Variants in KDELR1 observed in about 807,000 individuals in gnomAD.
The protein encoded by KDELR1 is ER lumen protein-retaining receptor 1.
In KDELR1, 16 loss-of-function variants were observed where a neutral mutation model predicts 25.5. The observed-to-expected ratio is 0.63, with a 90% CI of 0.43 to 0.95. The LOEUF (loss-of-function observed/expected upper bound fraction) is 0.95. KDELR1 is among the 40% of genes least tolerant of loss of function. The pLI is 0.00. For missense variants in KDELR1, 159 were observed against 265.2 expected, an observed-to-expected ratio of 0.60 and a Z score of 2.78; for synonymous variants, 121 against 115.0, an observed-to-expected ratio of 1.05 and a Z score of -0.33.
chr19:48,383,461 G>A (rs1970472078), intron 4 of KDELR1, 134 bp from the exon 5 acceptor site: 1 of 732,954 alleles, frequency 1.4e-6, no homozygotes, highest in Admixed American at 2.4e-5. Context: ...AGGACTCACA[G>A]ATACATTCCT....
In KDELR1 at chr19:48,384,830, C is replaced by T. The variant is rs1055457889; in HGVS notation, c.352-348G>A. 2.6e-5 allele frequency among the ~76,000 whole-genome samples: 4 copies of T among 152,072 alleles called. No homozygotes were observed. The highest frequency in any genetic ancestry group is 9.7e-5 in the African/African-American group (4 of 41,402). ...TCATGAACACTTTGCAATTGCGCCT[C>T]TCTGAAAGGCAGGCTGGGTTGGAAT... On this transcript the variant is annotated intron_variant, in intron 3 of 4. Coordinates refer to ENST00000330720, the MANE Select transcript of KDELR1 (RefSeq NM_006801.3). This position sits in a 1 kb window ranked among gnomAD's most constrained non-coding sequence, Gnocchi z 4.6.
upstream of KDELR1, among the ~76,000 whole-genome samples, chr19:48,393,096 C>T (rs971120294): frequency 6.6e-6 from 1 of 152,164 alleles, no homozygotes; most frequent in Non-Finnish European, 1.5e-5. The surrounding 1 kb of genome is among the most constrained non-coding windows in gnomAD (Gnocchi z 5.6). Flanking sequence ...GTGACATCCA[C>T]GAGTCTTGGG....
chr19:48,392,948 A>G (rs276718), upstream of KDELR1, among the ~76,000 whole-genome samples: 43,735 of 152,134 alleles, frequency 0.29, 7,309 homozygotes, highest in African/African-American at 0.45. Context: ...GGACTCCTGC[A>G]TCTATGAGGG....
intron 1 of KDELR1, 126 bp from the exon 2 acceptor site, chr19:48,390,650 G>C (rs1237664038): frequency 1.5e-6 from 1 of 688,520 alleles, no homozygotes; most frequent in African/African-American, 1.8e-5. Flanking sequence ...ATAAACTAAG[G>C]CAGGGCGCCC....
Position 48,384,158 on chromosome 19 carries a change from C to T in KDELR1, c.604+72G>A. The T allele has an allele frequency of 6.3e-7, 1 of 1,577,922 alleles. No individual in the cohort carries two copies. ...TTTGCATAATACAGGGGTAAGGAGA[C>T]CCCAGTCCCCAGGGAGGGCAGGAGC... On this transcript the variant is annotated intron_variant, in intron 4 of 4. Coordinates refer to ENST00000330720, the MANE Select transcript of KDELR1 (RefSeq NM_006801.3). This position sits in a 1 kb window ranked among gnomAD's most constrained non-coding sequence, Gnocchi z 4.6.
upstream of KDELR1, among the ~76,000 whole-genome samples, chr19:48,392,601 G>A (rs1203253523): frequency 6.6e-6 from 1 of 152,138 alleles, no homozygotes; most frequent in African/African-American, 2.4e-5. Context: ...ACAGATTTAG[G>A]CCCTGATTCT....
chr19:48,384,739 C>T lies in KDELR1; in HGVS notation c.352-257G>A, dbSNP rs1260901943. ...CTGACACCAGAGAAGGTAAGATACT[C>T]GCCCAAGACCATGTAGCCAGCAAGC... On this transcript the variant is annotated intron_variant, in intron 3 of 4. Transcript: ENST00000330720. The surrounding 1 kb of genome is among the most constrained non-coding windows in gnomAD (Gnocchi z 4.6). 6.6e-6 allele frequency among the ~76,000 whole-genome samples: 1 copy of T among 152,070 alleles called. No individual in the cohort carries two copies. Among genetic ancestry groups the T allele is most frequent in the African/African-American group, 2.4e-5 (1 of 41,414 alleles).
At chr19:48,394,230 TGAG>T (rs1024131566), upstream of KDELR1, among the ~76,000 whole-genome samples, 7 of 151,688 alleles carry the variant, frequency 4.6e-5, no homozygotes, top group African/African-American at 1.5e-4. This position sits in a 1 kb window ranked among gnomAD's most constrained non-coding sequence, Gnocchi z 5.1. Flanking sequence ...CTGGGGGTGT[TGAG>T]GGGGAATCCC....
upstream of KDELR1, among the ~76,000 whole-genome samples, chr19:48,393,886 C>T (rs1970595644): frequency 1.3e-5 from 2 of 151,706 alleles, no homozygotes; most frequent in Admixed American, 6.6e-5. The surrounding 1 kb of genome is among the most constrained non-coding windows in gnomAD (Gnocchi z 5.6). Flanking sequence ...TCTGTGTGTC[C>T]GGGTGTCTGG....
the KDELR1 span, among the ~76,000 whole-genome samples, chr19:48,396,978 C>A: frequency 5.3e-5 from 8 of 152,146 alleles, no homozygotes; most frequent in Admixed American, 4.6e-4. Flanking sequence ...GACCCAGGAG[C>A]CTGGCTCCCA....
rs370854139 is a variant in KDELR1, at chr19:48,389,703, G to A, written c.201C>T (p.Tyr67=). 17 of 1,613,884 alleles carry A rather than the reference G, an allele frequency of 1.1e-5. No homozygotes were observed. The highest frequency in any genetic ancestry group is 1.4e-5 in the Non-Finnish European group (16 of 1,179,924). The change falls in exon 3 of 5, where the codon TAC becomes TAT. Residue 67 remains tyrosine (Y), a synonymous_variant. Transcript: ENST00000330720. ...SLYNTCMKVV[Y]IACSFTTVWL... ...AGACCGTGGTGAAGGAGCAGGCTATGTAGACCACCTGAGGAGGGGGATGAT... is the reference window on the plus strand; with the variant it reads ...AGACCGTGGTGAAGGAGCAGGCTATATAGACCACCTGAGGAGGGGGATGAT...
rs764176136 is a variant in KDELR1, at chr19:48,389,682, C to T, written c.222G>A (p.Thr74=). 2.7e-5 allele frequency: 44 copies of T among 1,613,940 alleles called. No homozygotes were observed. Among genetic ancestry groups the T allele is most frequent in the Non-Finnish European group, 3.1e-5 (37 of 1,179,952 alleles). The part of the protein sequence containing the change: ...KVVYIACSFT[T]VWLIYSKFKA... The stretch of plus-strand genomic sequence containing the variant: ...TGAACTTGCTATAAATCAACCAGAC[C>T]GTGGTGAAGGAGCAGGCTATGTAGA... Residue 74 remains threonine, a synonymous_variant, in exon 3 of 5, where the codon ACG becomes ACA. Transcript: ENST00000330720.
intron 1 of KDELR1, 80 bp from the exon 2 acceptor site, chr19:48,390,604 A>G: frequency 9.3e-7 from 1 of 1,076,164 alleles, no homozygotes; most frequent in Middle Eastern, 2.5e-4. Flanking sequence ...AGACAGACAG[A>G]AGGAGAGAGG....
upstream of KDELR1, among the ~76,000 whole-genome samples, chr19:48,395,582 G>A (rs762036445): frequency 2.6e-5 from 4 of 152,184 alleles, no homozygotes; most frequent in Non-Finnish European, 4.4e-5. Flanking sequence ...GTTGATCGAA[G>A]TGGCCGCTCC....
At position 48,391,360 on chromosome 19, in the gene KDELR1, G is replaced by T; in HGVS notation, c.-2C>A. ...TCCCAGGAATCGGAAGAGATTCATG[G>T]CTGGGGAACCCTGGCAGGGCTGAGC... On this transcript the variant is annotated 5_prime_UTR_variant, in exon 1 of 5. Coordinates refer to ENST00000330720, the MANE Select transcript of KDELR1 (RefSeq NM_006801.3). The T allele has an allele frequency of 6.4e-7, 1 of 1,552,658 alleles. No homozygotes were observed. The highest frequency in any genetic ancestry group is 2.0e-5 in the Admixed American group (1 of 51,178).
chr19:48,396,710 G>C, the KDELR1 span, among the ~76,000 whole-genome samples: 2 of 151,936 alleles, frequency 1.3e-5, no homozygotes, highest in Non-Finnish European at 2.9e-5. Context: ...CTCTGGGAAG[G>C]TGAGGTGGTG....
upstream of KDELR1, among the ~76,000 whole-genome samples, chr19:48,392,104 C>T (rs1422210882): frequency 7.3e-6 from 1 of 136,228 alleles, no homozygotes; most frequent in African/African-American, 2.8e-5. Flanking sequence ...GGAGTCCAGG[C>T]CCAGCTCCTC....
intron 1 of KDELR1, 113 bp downstream of exon 1, chr19:48,391,155 A>T: frequency 1.2e-6 from 1 of 857,288 alleles, no homozygotes; most frequent in Non-Finnish European, 1.9e-6. Flanking sequence ...CCCAGCAAGC[A>T]GTGGGGGTGG....
upstream of KDELR1, among the ~76,000 whole-genome samples, chr19:48,396,210 C>T (rs1362408133): frequency 6.6e-6 from 1 of 151,860 alleles, no homozygotes; most frequent in African/African-American, 2.4e-5. Context: ...AGAGGCTGGA[C>T]TCTGTGATCC....
Sources: gnomAD v4.1 joint callset for allele counts (sites outside exome capture counted in the v4.1 genomes callset) on GRCh38, gnomAD v4.1.1 for gene constraint, Gnocchi (gnomAD v3.1) non-coding constraint, MANE v1.5 for transcripts, NCBI Gene and HGNC (gene_info 2026-07-23, HGNC 2026-07-21) for gene names.